The following FARP1 variants were observed in gnomAD, a reference collection of about 807,000 sequenced individuals.
FARP1 encodes the protein FERM, ARHGEF and pleckstrin domain-containing protein 1.
Under a neutral mutation model 128.8 loss-of-function variants are expected in FARP1, and 52 were observed. The observed-to-expected ratio is 0.40, with a 90% CI of 0.32 to 0.51. FARP1 has a LOEUF of 0.51. Among genes scored for constraint, FARP1 ranks in the 20% least tolerant of loss-of-function variants. FARP1 has a pLI of 0.45. For missense variants in FARP1, 1,333 were observed against 1,367.9 expected (o/e 0.97, Z 0.40); for synonymous variants, 580 against 551.8 (o/e 1.05, Z -0.72).
intron 2 of FARP1, among the ~76,000 whole-genome samples, chr13:98,235,360 C>A (rs545862979): frequency 6.1e-4 from 93 of 152,272 alleles, no homozygotes; most frequent in Admixed American, 1.2e-3. Context: ...GACTTGAAGG[C>A]ACTGAGAAGA....
intron 2 of FARP1, among the ~76,000 whole-genome samples, chr13:98,238,925 C>G (rs1362802087): frequency 6.6e-6 from 1 of 152,098 alleles, no homozygotes; most frequent in South Asian, 2.1e-4. Context: ...TGTTCAAGGG[C>G]CAGCTGTACT....
At chr13:98,163,518 C>G (rs1877027677) in intron 1 of FARP1, among the ~76,000 whole-genome samples, 1 of 150,824 alleles carries the variant, frequency 6.6e-6, no homozygotes, top group Non-Finnish European at 1.5e-5. Flanking sequence ...TTAGGAAAAT[C>G]AAATCAAATC....
At chr13:98,224,014 GC>G (rs1457291760) in intron 2 of FARP1, among the ~76,000 whole-genome samples, 1 of 152,162 alleles carries the variant, frequency 6.6e-6, no homozygotes, top group Non-Finnish European at 1.5e-5. Flanking sequence ...TCTTCCAGTG[GC>G]CATTTGTCAG....
rs1267927301 is a variant in FARP1, at chr13:98,227,065, T to C, written c.171+13652T>C. On this transcript the variant is annotated intron_variant, in intron 2 of 26. Transcript: ENST00000319562. ...ACGTCATTCTCTAGCCTCAGCCTCCTGAGTAGCTGGGACTACAGGCGCCCG... is the reference window on the plus strand; with the variant it reads ...ACGTCATTCTCTAGCCTCAGCCTCCCGAGTAGCTGGGACTACAGGCGCCCG... Among the ~76,000 whole-genome samples, 4 of 152,030 alleles carry C rather than the reference T, an allele frequency of 2.6e-5. No individual in the cohort carries two copies. The East Asian group carries it at 5.8e-4, about 22-fold the overall frequency.
intron 1 of FARP1, among the ~76,000 whole-genome samples, chr13:98,189,052 G>A (rs948131161): frequency 4.6e-5 from 7 of 152,160 alleles, no homozygotes; most frequent in African/African-American, 1.7e-4. Flanking sequence ...TCCTTGTCCT[G>A]TGATGCAGGT....
intron 1 of FARP1, among the ~76,000 whole-genome samples, chr13:98,169,378 G>A (rs1270878144): frequency 2.0e-5 from 3 of 152,098 alleles, no homozygotes; most frequent in African/African-American, 2.4e-5. Flanking sequence ...ACATACACCC[G>A]TAGCTTTCTC....
At chr13:98,213,478 T>C in intron 2 of FARP1, 65 bp downstream of exon 2, 1 of 1,522,276 alleles carries the variant, frequency 6.6e-7, no homozygotes, top group Non-Finnish European at 8.9e-7. Context: ...GTGAGGAGGT[T>C]CGGCTCATTC....
At chr13:98,271,580 G>A (rs1169930000) in intron 2 of FARP1, among the ~76,000 whole-genome samples, 4 of 151,948 alleles carry the variant, frequency 2.6e-5, no homozygotes, top group Admixed American at 2.6e-4. Context: ...CCCCTCGACA[G>A]GCCCCAGTAT....
Position 98,229,061 on chromosome 13 carries a change from A to G in FARP1, c.171+15648A>G, listed in dbSNP as rs1049723932. 9.8e-5 allele frequency among the ~76,000 whole-genome samples: 15 copies of G among 152,350 alleles called. No homozygotes were observed. In the East Asian group the frequency reaches 1.2e-3, roughly 12 times the overall value. The stretch of plus-strand genomic sequence containing the variant: ...GTAGCATCTCCCTGCTGCTCTAGAC[A>G]TGCAGATCCTGCAATTAAATATTGT... On this transcript the variant is annotated intron_variant, in intron 2 of 26. Coordinates refer to ENST00000319562, the MANE Select transcript of FARP1 (RefSeq NM_005766.4).
chr13:98,226,683 G>A (rs187097420), intron 2 of FARP1, among the ~76,000 whole-genome samples: 34 of 152,156 alleles, frequency 2.2e-4, no homozygotes, highest in African/African-American at 7.5e-4. Flanking sequence ...GTAAGTGGAG[G>A]AGACCAGAAC....
chr13:98,286,141 G>A (rs1304975104), intron 2 of FARP1, among the ~76,000 whole-genome samples: 1 of 152,048 alleles, frequency 6.6e-6, no homozygotes, highest in Non-Finnish European at 1.5e-5. Context: ...AGAAACCTGC[G>A]TGGCCCATGG....
intron 1 of FARP1, among the ~76,000 whole-genome samples, chr13:98,162,035 C>T (rs1410967475): frequency 1.3e-5 from 2 of 152,308 alleles, no homozygotes; most frequent in African/African-American, 4.8e-5. Flanking sequence ...TCCTCTTAGC[C>T]TCCCAAAGTG....
chr13:98,439,522 G>A (rs547689930), intron 21 of FARP1, among the ~76,000 whole-genome samples: 15 of 152,320 alleles, frequency 9.8e-5, no homozygotes, highest in African/African-American at 3.4e-4. Flanking sequence ...GCCTCCCACA[G>A]CCTGTGCCTG....
chr13:98,428,296 C>G (rs552289330), intron 17 of FARP1, among the ~76,000 whole-genome samples: 3 of 152,194 alleles, frequency 2.0e-5, no homozygotes, highest in African/African-American at 7.2e-5. Context: ...AAAGAAAGGG[C>G]CTTTCATCCT....
intron 2 of FARP1, chr13:98,338,815 A>T (rs1887845717): frequency 6.6e-6 from 1 of 152,236 alleles, no homozygotes; most frequent in African/African-American, 2.4e-5. Context: ...TCAAAAACTC[A>T]CTGGGAATAA....
chr13:98,199,400 T>C (rs1259133698), intron 1 of FARP1, among the ~76,000 whole-genome samples: 2 of 152,256 alleles, frequency 1.3e-5, no homozygotes, highest in African/African-American at 4.8e-5. Context: ...AAAACGATAT[T>C]GTGCCACATT....
chr13:98,202,791 C>T (rs973117439), intron 1 of FARP1, among the ~76,000 whole-genome samples: 2 of 151,884 alleles, frequency 1.3e-5, no homozygotes, highest in African/African-American at 2.4e-5. Context: ...ACAATCATAG[C>T]TCACCACAGC....
At position 98,180,178 on chromosome 13, in the gene FARP1, C is replaced by T. The variant is rs117559896; in HGVS notation, c.-23-33042C>T. Among the ~76,000 whole-genome samples the T allele has an allele frequency of 4.2e-3, 645 of 152,194 alleles. 5 individuals carry two copies. Among genetic ancestry groups the T allele is most frequent in the African/African-American group, 0.014 (579 of 41,510 alleles). On this transcript the variant is annotated intron_variant, in intron 1 of 26. Coordinates refer to ENST00000319562, the MANE Select transcript of FARP1 (RefSeq NM_005766.4). Reference sequence around the variant, plus strand: ...TCTGTAGGCTGTACAAGCAGCATGGCGTTGGTATCTGCTTCTGGTGATGGC... The same window carrying T: ...TCTGTAGGCTGTACAAGCAGCATGGTGTTGGTATCTGCTTCTGGTGATGGC...
intron 2 of FARP1, among the ~76,000 whole-genome samples, chr13:98,227,965 G>T (rs890132888): frequency 6.6e-6 from 1 of 152,242 alleles, no homozygotes; most frequent in African/African-American, 2.4e-5. Flanking sequence ...AATGGGAGCT[G>T]TCTAATGGGT....
Sources: gnomAD v4.1 joint callset for allele counts (sites outside exome capture counted in the v4.1 genomes callset) on GRCh38, gnomAD v4.1.1 for gene constraint, MANE v1.5 for transcripts, NCBI Gene and HGNC (gene_info 2026-07-23, HGNC 2026-07-21) for gene names.